IL9R: variants seen among roughly 807,000 people sequenced by gnomAD.
IL9R encodes interleukin 9 receptor.
IL9R carries 54 observed loss-of-function variants against 56.3 expected under a neutral mutation model. The observed-to-expected ratio is 0.96, with a 90% CI of 0.77 to 1.20. IL9R has a LOEUF of 1.20. Ranked by LOEUF, IL9R falls within the 50% of genes most tolerant of loss-of-function variation. IL9R has a pLI of 0.00. For synonymous variants in IL9R, 212 were observed against 250.2 expected (o/e 0.85, Z 1.44); for missense variants, 545 against 629.8 (o/e 0.87, Z 1.44).
chrX:156,002,692 T>C (rs775662578), intron 1 of IL9R, among the ~76,000 whole-genome samples: 1 of 152,302 alleles, frequency 6.6e-6, no homozygotes, highest in East Asian at 1.9e-4. Flanking sequence ...CATGAGTCTT[T>C]GGCTGAGTCA....
intron 1 of IL9R, among the ~76,000 whole-genome samples, chrX:155,998,983 C>T (rs2067324748): frequency 6.6e-6 from 1 of 152,114 alleles, no homozygotes; most frequent in Non-Finnish European, 1.5e-5. Context: ...CCAATATCCT[C>T]ACTCCAGCCC....
chrX:156,001,272 T>G (rs1369603004), intron 1 of IL9R: 69 of 745,884 alleles, frequency 9.3e-5, no homozygotes. Context: ...GCAGCAGTTG[T>G]CCATTCTGGG....
At chrX:155,998,721 C>T (rs1372091920) in intron 1 of IL9R, among the ~76,000 whole-genome samples, 3 of 151,818 alleles carry the variant, frequency 2.0e-5, no homozygotes, top group Non-Finnish European at 4.4e-5. Context: ...GCAGGTGGGG[C>T]GGGGGTTGGA....
Position 156,009,848 on chromosome X carries a change from G to C in IL9R, c.1005G>C (p.Leu335=). ...TWMGAHGAGV[L]LSQDCAGTPQ... is the part of the protein sequence containing the mutation. ...TGGGGGCCCACGGGGCCGGTGTGCT[G>C]TTGAGCCAGGACTGTGCTGGCACCC... Residue 335 remains leucine (L), a synonymous_variant, in exon 9 of 9, where the codon CTG becomes CTC. Transcript: ENST00000244174. 2 of 1,497,850 alleles carry C rather than the reference G, an allele frequency of 1.3e-6. No homozygotes were observed. The highest frequency in any genetic ancestry group is 1.8e-5 in the Admixed American group (1 of 56,576). The allele number at this position is 1,497,850 out of a possible 1,614,324, so 92.8% of individuals were successfully genotyped here. A position where few individuals can be genotyped will look rare whatever the true frequency, so the allele number is the denominator to read the frequency against.
chrX:156,002,830 C>T (rs2067624524), intron 1 of IL9R, 76 bp from the exon 2 acceptor site: 1 of 1,607,796 alleles, frequency 6.2e-7, no homozygotes, highest in African/African-American at 1.3e-5. Context: ...GAGCACTCTG[C>T]TGGGGAGCAA....
chrX:156,004,104 G>A (rs2067740979), intron 4 of IL9R: 2 of 604,010 alleles, frequency 3.3e-6, no homozygotes, highest in Admixed American at 3.0e-5. Context: ...GCTGGCACTT[G>A]AGTCATGTGA....
intron 5 of IL9R, among the ~76,000 whole-genome samples, 189 bp from the exon 6 acceptor site, chrX:156,005,089 G>A (rs1203015777): frequency 6.6e-6 from 1 of 152,050 alleles, no homozygotes; most frequent in African/African-American, 2.4e-5. Context: ...GGCAAACGCA[G>A]CTGTGTCTGT....
At chrX:156,003,345 G>C in intron 2 of IL9R, 104 bp from the exon 3 acceptor site, 3 of 816,878 alleles carry the variant, frequency 3.7e-6, no homozygotes, top group Non-Finnish European at 4.2e-6. Context: ...TCATTTACTG[G>C]TGACTGCCCT....
chrX:156,003,373 C>T lies in IL9R; in HGVS notation c.143-76C>T, dbSNP rs1286669137. ...ACTGCCCTGCTAGGGTGTCAGCTGT[C>T]AGATCCTCCCCAACCCCCGAGCTCA... On this transcript the variant is annotated intron_variant, in intron 2 of 8. Transcript: ENST00000244174. 3.9e-6 allele frequency: 4 copies of T among 1,028,832 alleles called. No individual in the cohort carries two copies. The Admixed American group carries it at 5.2e-5, about 13-fold the overall frequency. The allele number at this position is 1,028,832 out of a possible 1,614,324, so 63.7% of individuals were successfully genotyped here. A position where few individuals can be genotyped will look rare whatever the true frequency, so the allele number is the denominator to read the frequency against.
chrX:156,001,624 C>CA (rs1324097561), intron 1 of IL9R: 12 of 633,806 alleles, frequency 1.9e-5, no homozygotes, highest in Non-Finnish European at 2.4e-5. Flanking sequence ...TTGGTTTGTG[C>CA]GGTCCTTTAA....
At position 156,003,705 on chromosome X, in the gene IL9R, T is replaced by C. The variant is rs755842998; in HGVS notation, c.283T>C (p.Cys95Arg). Residue 95 changes from cysteine (C) to arginine (R), a missense_variant, in exon 4 of 9, where the codon TGC becomes CGC. By Grantham distance (180) the Cys-to-Arg change is radical (BLOSUM62 -3). Coordinates refer to ENST00000244174, the MANE Select transcript of IL9R (RefSeq NM_002186.3). ...SNQAPGGTHKCILRGSECTVV... is the reference protein window; with the variant it reads ...SNQAPGGTHKRILRGSECTVV... ...CCAGGCTCCTGGCGGCACACATAAG[T>C]GCATCTTGCGGGGCAGTGAGTGCAC... is the stretch of plus-strand genomic sequence containing the variant. 1 of 1,613,424 alleles carries C rather than the reference T, an allele frequency of 6.2e-7. No individual in the cohort carries two copies. Among genetic ancestry groups the C allele is most frequent in the Non-Finnish European group, 8.5e-7 (1 of 1,179,668 alleles).
chrX:156,010,252 T>C lies in IL9R; in HGVS notation c.1409T>C (p.Leu470Pro). The change falls in exon 9 of 9, where the codon CTG becomes CCG. Residue 470 changes from leucine (L) to proline (P), a missense_variant. Physicochemically the swap from Leu to Pro is moderately conservative, Grantham distance 98. Transcript: ENST00000244174. The part of the protein sequence containing the change: ...NTQSSGPIPA[L>P]ACGLSCDHQG... ...CAGAGCTCTGGGCCCATCCCAGCCC[T>C]GGCCTGTGGCCTTTCTTGTGACCAT... 3 of 1,273,534 alleles carry C rather than the reference T, an allele frequency of 2.4e-6. No homozygotes were observed. Among genetic ancestry groups the C allele is most frequent in the Non-Finnish European group, 3.1e-6 (3 of 970,416 alleles). 78.9% of individuals were successfully genotyped at this position (1,273,534 alleles called of 1,614,324 possible).
chrX:156,003,173 A>C (rs3093493), intron 2 of IL9R, among the ~76,000 whole-genome samples, 154 bp downstream of exon 2: 32,474 of 151,790 alleles, frequency 0.21, 4,063 homozygotes, highest in East Asian at 0.46. Flanking sequence ...CTCAGTCTCT[A>C]GTCTCCCTAC....
At chrX:156,001,090 C>G (rs1464929821) in intron 1 of IL9R, among the ~76,000 whole-genome samples, 2 of 152,156 alleles carry the variant, frequency 1.3e-5, no homozygotes, top group Non-Finnish European at 2.9e-5. Flanking sequence ...CTTTGTAGCT[C>G]TCAGGTGTCA....
chrX:156,009,127 TTGTGTG>T (rs1172878931), intron 8 of IL9R, among the ~76,000 whole-genome samples: 82 of 126,746 alleles, frequency 6.5e-4, no homozygotes, highest in African/African-American at 2.5e-3. Flanking sequence ...CTGTGTATGT[TTGTGTG>T]TGTGTTTGTG....
Position 156,003,550 on chromosome X carries a change from C to T in IL9R, c.244C>T (p.Leu82Phe), listed in dbSNP as rs1603138633. 3.1e-6 allele frequency: 5 copies of T among 1,612,612 alleles called. No homozygotes were observed. The highest frequency in any genetic ancestry group is 1.3e-5 in the African/African-American group (1 of 75,028). ...GGGACAGGGCTCCAGCCCCTGGCTC[C>T]TCTTCACCAGGTGAGCATGGAGGGC... ...ELGQGSSPWL[L>F]FTSNQAPGGT... The change falls in exon 3 of 9, where the codon CTC becomes TTC. Residue 82 changes from leucine to phenylalanine, a missense_variant. By Grantham distance (22) the Leu-to-Phe change is conservative. Transcript: ENST00000244174.
In IL9R at chrX:156,006,588, C is replaced by A. The variant is rs760956882; in HGVS notation, c.887+400C>A. 2.6e-5 allele frequency among the ~76,000 whole-genome samples: 4 copies of A among 151,438 alleles called. No homozygotes were observed. The East Asian group carries it at 7.8e-4, about 29-fold the overall frequency. ...TTCTACGAAAGGACAGTTGGGGCAT[C>A]TGGTGTGCTCAGGACCCTGTTCTCA... On this transcript the variant is annotated intron_variant, in intron 7 of 8. Transcript: ENST00000244174.
intron 4 of IL9R, chrX:156,004,182 T>C: frequency 1.7e-6 from 1 of 600,672 alleles, no homozygotes; most frequent in Non-Finnish European, 3.0e-6. Context: ...CAGCAGACTG[T>C]GAAGGAAAGG....
chrX:156,003,386 A>G, intron 2 of IL9R, 63 bp from the exon 3 acceptor site: 2 of 1,164,242 alleles, frequency 1.7e-6, no homozygotes, highest in Non-Finnish European at 2.6e-6. Flanking sequence ...ATCCTCCCCA[A>G]CCCCCGAGCT....
Sources: gnomAD v4.1 joint callset for allele counts (sites outside exome capture counted in the v4.1 genomes callset) on GRCh38, gnomAD v4.1.1 for gene constraint, MANE v1.5 for transcripts, NCBI Gene and HGNC (gene_info 2026-07-23, HGNC 2026-07-21) for gene names.